Variants in USP26 observed in about 807,000 individuals in gnomAD.
The protein encoded by USP26 is ubiquitin carboxyl-terminal hydrolase 26.
For missense variants in USP26, 649 were observed against 642.3 expected (o/e 1.01, Z -0.11); for synonymous variants, 236 against 240.6 (o/e 0.98, Z 0.18).
chrX:133,046,193 G>T (rs905502961), intron 5 of USP26, among the ~76,000 whole-genome samples: 1 of 111,631 alleles, frequency 9.0e-6, no homozygotes, highest in Non-Finnish European at 1.9e-5. Context: ...GACACAAGAG[G>T]GAGCTATAGC....
At chrX:133,064,718 C>G (rs953067692) in intron 5 of USP26, among the ~76,000 whole-genome samples, 1 of 111,538 alleles carries the variant, frequency 9.0e-6, no homozygotes, top group African/African-American at 3.3e-5. Context: ...TGGGACACAG[C>G]TACTAAGCAG....
chrX:133,026,871 A>G lies in USP26; in HGVS notation c.1350T>C (p.Ala450=), dbSNP rs750488219. 2 of 1,211,413 alleles carry G rather than the reference A, an allele frequency of 1.7e-6. No homozygotes were observed. The highest frequency in any genetic ancestry group is 4.3e-5 in the Admixed American group (2 of 46,003). The change falls in exon 6 of 6, where the codon GCT becomes GCC. Residue 450 remains alanine, a synonymous_variant. Transcript: ENST00000511190. ...CTGTCTTGAGAATAACCTGACCACA[A>G]GCTTTACAAGCAATGGAGTGCAACA... is the stretch of plus-strand genomic sequence containing the variant. ...LELLHSIACK[A]CGQVILKTEL...
chrX:133,032,590 ATT>A (rs1173273409), intron 5 of USP26, among the ~76,000 whole-genome samples: 1 of 111,971 alleles, frequency 8.9e-6, no homozygotes, highest in Non-Finnish European at 1.9e-5. Flanking sequence ...CAATCTGCAT[ATT>A]TTTTCTCCAG....
rs1188198835 is a variant in USP26, at chrX:133,096,318, T to C, written c.-393+712A>G. On this transcript the variant is annotated intron_variant, in intron 1 of 5. Transcript: ENST00000511190. ...CAATTAAATTCACAACTATACTGTATAAAAATGCAAAATAGCGAATGACCA... is the reference window on the plus strand; with the variant it reads ...CAATTAAATTCACAACTATACTGTACAAAAATGCAAAATAGCGAATGACCA... Among the ~76,000 whole-genome samples, 5 of 110,453 alleles carry C rather than the reference T, an allele frequency of 4.5e-5. No individual in the cohort carries two copies. In the East Asian group the frequency reaches 1.4e-3, roughly 31 times the overall value.
At chrX:133,074,145 C>G (rs1015890501) in intron 5 of USP26, among the ~76,000 whole-genome samples, 1 of 111,943 alleles carries the variant, frequency 8.9e-6, no homozygotes, top group Non-Finnish European at 1.9e-5. Flanking sequence ...CACTTCTTTA[C>G]TGAAACATTG....
Position 133,057,353 on chromosome X carries a change from G to T in USP26, c.-77+26354C>A, listed in dbSNP as rs1409589595. Among the ~76,000 whole-genome samples the T allele has an allele frequency of 2.7e-5, 3 of 111,863 alleles. 1 individual carries two copies. The Admixed American group carries it at 2.9e-4, about 11-fold the overall frequency. ...TCATTTCTGGTATTAGTAATTTGTG[G>T]CTTTGTTTTATTTGTTAGCCTTGCT... On this transcript the variant is annotated intron_variant, in intron 5 of 5. Transcript: ENST00000511190.
At chrX:133,048,586 G>A (rs1045742862) in intron 5 of USP26, among the ~76,000 whole-genome samples, 9 of 105,278 alleles carry the variant, frequency 8.5e-5, no homozygotes, top group Non-Finnish European at 1.4e-4. Context: ...TGGCTCTGTC[G>A]CCCAGGCTGG....
chrX:133,087,111 T>A (rs192112516), intron 4 of USP26, among the ~76,000 whole-genome samples: 6 of 110,478 alleles, frequency 5.4e-5, no homozygotes, highest in South Asian at 3.9e-4. Context: ...TATTTAGAAG[T>A]TTGGTGATGT....
chrX:133,072,766 C>T (rs1286092919), intron 5 of USP26, among the ~76,000 whole-genome samples: 1 of 111,909 alleles, frequency 8.9e-6, no homozygotes, highest in Non-Finnish European at 1.9e-5. Context: ...ATTGTATACT[C>T]AAGAGCTGGA....
rs1346509124 is a variant in USP26 at position 133,028,071 on chromosome X, A to T, written c.150T>A (p.Phe50Leu). 8.3e-7 allele frequency: 1 copy of T among 1,209,405 alleles called. No homozygotes were observed. The highest frequency in any genetic ancestry group is 3.0e-5 in the East Asian group (1 of 33,768). The change falls in exon 6 of 6, where the codon TTT becomes TTA. Residue 50 changes from phenylalanine (F) to leucine (L), a missense_variant. Phe to Leu is a conservative substitution (Grantham distance 22). Transcript: ENST00000511190. ...LYFKSGKYST[F>L]RLSDNIQNVV... ...CATTTTGAATATTATCACTTAGCCG[A>T]AAAGTGCTATATTTTCCACTTTTGA...
intron 5 of USP26, among the ~76,000 whole-genome samples, chrX:133,044,595 G>A (rs2067431692): frequency 8.8e-6 from 1 of 113,159 alleles, no homozygotes; most frequent in South Asian, 3.6e-4. Flanking sequence ...TTTTTCACAC[G>A]GCCTTAGCTG....
chrX:133,058,472 A>C (rs1189987777), intron 5 of USP26, among the ~76,000 whole-genome samples: 2 of 111,837 alleles, frequency 1.8e-5, no homozygotes, highest in Non-Finnish European at 3.8e-5. Flanking sequence ...TTAGATACAC[A>C]CAGATTAAGG....
chrX:133,044,187 T>TATG (rs1334903453), intron 5 of USP26, among the ~76,000 whole-genome samples: 1 of 112,936 alleles, frequency 8.9e-6, no homozygotes, highest in Non-Finnish European at 1.9e-5. Context: ...GCTGACAGCT[T>TATG]ATGATAATGA....
At chrX:133,030,570 T>A (rs888531508) in intron 5 of USP26, among the ~76,000 whole-genome samples, 1 of 111,892 alleles carries the variant, frequency 8.9e-6, no homozygotes, top group African/African-American at 3.2e-5. Flanking sequence ...CATCACTGTG[T>A]AATCGTCACA....
At chrX:133,083,263 G>A (rs925162242) in intron 5 of USP26, among the ~76,000 whole-genome samples, 1 of 112,052 alleles carries the variant, frequency 8.9e-6, no homozygotes, top group Non-Finnish European at 1.9e-5. Flanking sequence ...ATATTTCCAA[G>A]CTAACATACA....
chrX:133,027,546 T>C lies in USP26; in HGVS notation c.675A>G (p.Lys225=). 2 of 1,210,005 alleles carry C rather than the reference T, an allele frequency of 1.7e-6. No homozygotes were observed. Among genetic ancestry groups the C allele is most frequent in the African/African-American group, 1.7e-5 (1 of 57,791 alleles). Reference sequence around the variant, plus strand: ...CCAATTTCTTATTCTCTTCTAACTCTTTTAACTTCAATTGTTTCTCTCGAT... The same window carrying C: ...CCAATTTCTTATTCTCTTCTAACTCCTTTAACTTCAATTGTTTCTCTCGAT... The part of the protein sequence containing the change: ...SYNREKQLKL[K]ELEENKKLEC... Residue 225 remains lysine, a synonymous_variant, in exon 6 of 6, where the codon AAA becomes AAG. Transcript: ENST00000511190.
At position 133,026,103 on chromosome X, in the gene USP26, C is replaced by A. The variant is rs2067346700; in HGVS notation, c.2118G>T (p.Lys706Asn). Residue 706 changes from lysine (K) to asparagine (N), a missense_variant, in exon 6 of 6, where the codon AAG becomes AAT. Transcript: ENST00000511190. ...PKRKKYVKTS[K>N]FVAFDRIINP... ...TGATAATCCTATCAAAAGCTACAAA[C>A]TTACTGGTTTTCACATATTTCTTTC... 1 of 1,208,709 alleles carries A rather than the reference C, an allele frequency of 8.3e-7. No homozygotes were observed. Among genetic ancestry groups the A allele is most frequent in the South Asian group, 1.8e-5 (1 of 56,709 alleles).
At chrX:133,060,012 G>T (rs1298339764) in intron 5 of USP26, among the ~76,000 whole-genome samples, 3 of 111,968 alleles carry the variant, frequency 2.7e-5, no homozygotes, top group Non-Finnish European at 5.6e-5. Flanking sequence ...CTGACAACAG[G>T]CCATTGCCAA....
chrX:133,026,061 C>A lies in USP26; in HGVS notation c.2160G>T (p.Leu720Phe), dbSNP rs1242608248. ...GAATTCTGATATTTTTATCTTCATA[C>A]AAATCTTTAGTAGGATTGATAATCC... is the stretch of plus-strand genomic sequence containing the variant. ...FDRIINPTKD[L>F]YEDKNIRIPE... Residue 720 changes from leucine (L) to phenylalanine (F), a missense_variant, in exon 6 of 6, where the codon TTG becomes TTT. Physicochemically the swap from Leu to Phe is conservative, Grantham distance 22. Transcript: ENST00000511190. 8.3e-7 allele frequency: 1 copy of A among 1,207,858 alleles called. No homozygotes were observed. The highest frequency in any genetic ancestry group is 1.8e-5 in the African/African-American group (1 of 56,930).
Sources: gnomAD v4.1 joint callset for allele counts (sites outside exome capture counted in the v4.1 genomes callset) on GRCh38, gnomAD v4.1.1 for gene constraint, MANE v1.5 for transcripts, NCBI Gene and HGNC (gene_info 2026-07-23, HGNC 2026-07-21) for gene names.